The following GOLM2 variants were observed in gnomAD, a reference collection of about 807,000 sequenced individuals.
GOLM2 encodes golgi membrane protein 2, also known as protein GOLM2.
In GOLM2, 26 loss-of-function variants were observed where a neutral mutation model predicts 55.9. That is an observed-to-expected ratio of 0.47 (90% CI 0.34 to 0.65). GOLM2 has a LOEUF of 0.65. GOLM2 is among the 30% of genes least tolerant of loss of function. GOLM2 has a pLI of 0.01. For missense variants in GOLM2, 486 were observed against 531.8 expected (o/e 0.91, Z 0.85); for synonymous variants, 165 against 194.6 (o/e 0.85, Z 1.27).
At chr15:44,298,269 T>C (rs1595612589) in intron 1 of GOLM2, among the ~76,000 whole-genome samples, 1 of 150,454 alleles carries the variant, frequency 6.6e-6, no homozygotes, top group Non-Finnish European at 1.5e-5. Flanking sequence ...CTTTTTCTTT[T>C]TTTTTTTTTT....
At chr15:44,374,860 G>C (rs1208811306) in intron 6 of GOLM2, among the ~76,000 whole-genome samples, 1 of 152,116 alleles carries the variant, frequency 6.6e-6, no homozygotes, top group East Asian at 1.9e-4. Flanking sequence ...TTTGGGTGGG[G>C]ATACAGAGCT....
At chr15:44,316,478 C>T (rs1370857292) in intron 1 of GOLM2, among the ~76,000 whole-genome samples, 4 of 152,024 alleles carry the variant, frequency 2.6e-5, no homozygotes, top group African/African-American at 4.8e-5. Flanking sequence ...AGAGCTGGCC[C>T]GGCGCGGTGG....
At chr15:44,386,732 A>G (rs1230794214) in intron 8 of GOLM2, among the ~76,000 whole-genome samples, 1 of 152,072 alleles carries the variant, frequency 6.6e-6, no homozygotes, top group Non-Finnish European at 1.5e-5. Context: ...TTAGCCAGGC[A>G]TGGTGGCACA....
chr15:44,316,128 T>C (rs1001513025), intron 1 of GOLM2, among the ~76,000 whole-genome samples: 6 of 152,206 alleles, frequency 3.9e-5, no homozygotes, highest in Non-Finnish European at 7.3e-5. Flanking sequence ...ATAATCTCTT[T>C]TTCTAGTCAT....
intron 9 of GOLM2, among the ~76,000 whole-genome samples, chr15:44,405,911 C>A (rs2079594510): frequency 6.6e-6 from 1 of 152,080 alleles, no homozygotes; most frequent in African/African-American, 2.4e-5. Context: ...CATGAGCCAC[C>A]ACACCTGGCC....
chr15:44,396,426 TTTA>T, intron 8 of GOLM2, among the ~76,000 whole-genome samples: 1 of 152,310 alleles, frequency 6.6e-6, no homozygotes, highest in East Asian at 1.9e-4. Flanking sequence ...TGCTTTCTCA[TTTA>T]ACATTTGCTT....
At position 44,288,911 on chromosome 15, in the gene GOLM2, C is replaced by A; in HGVS notation, c.-119C>A. On this transcript the variant is annotated 5_prime_UTR_variant, in exon 1 of 10. Coordinates refer to ENST00000299957, the MANE Select transcript of GOLM2 (RefSeq NM_138423.4). Reference sequence around the variant, plus strand: ...TCCGGCTCGCAGCCGACCGGTAAGCCCGCCTCCTCCCTCGGCCGGCCCTGG... The same window carrying A: ...TCCGGCTCGCAGCCGACCGGTAAGCACGCCTCCTCCCTCGGCCGGCCCTGG... The A allele has an allele frequency of 1.1e-6, 1 of 919,952 alleles. No homozygotes were observed. Among genetic ancestry groups the A allele is most frequent in the East Asian group, 2.7e-5 (1 of 37,522 alleles). 57.0% of individuals were successfully genotyped at this position (919,952 alleles called of 1,614,324 possible).
intron 6 of GOLM2, among the ~76,000 whole-genome samples, chr15:44,355,960 A>G (rs1161042002): frequency 6.6e-6 from 1 of 152,244 alleles, no homozygotes; most frequent in Non-Finnish European, 1.5e-5. Context: ...GTGGAGATTA[A>G]ACAACTATTT....
At chr15:44,408,446 A>C (rs927351910) in intron 9 of GOLM2, among the ~76,000 whole-genome samples, 1 of 152,244 alleles carries the variant, frequency 6.6e-6, no homozygotes, top group Admixed American at 6.5e-5. Flanking sequence ...GGTATAAATT[A>C]ACAAAAAAAT....
chr15:44,324,109 T>C (rs891037749), intron 2 of GOLM2, among the ~76,000 whole-genome samples: 1 of 152,222 alleles, frequency 6.6e-6, no homozygotes, highest in Non-Finnish European at 1.5e-5. Flanking sequence ...ACTTGCAATT[T>C]TTACAAATGC....
chr15:44,315,147 C>T (rs1333684417), intron 1 of GOLM2, among the ~76,000 whole-genome samples: 1 of 152,056 alleles, frequency 6.6e-6, no homozygotes, highest in Non-Finnish European at 1.5e-5. Context: ...TTTAAAGCTC[C>T]CCAGGTGATT....
chr15:44,381,096 AG>A (rs1193009089), intron 8 of GOLM2, 120 bp downstream of exon 8: 1 of 558,188 alleles, frequency 1.8e-6, no homozygotes, highest in Non-Finnish European at 2.8e-6. Flanking sequence ...TTTAAAGAGA[AG>A]GTATGAAAGT....
chr15:44,325,027 A>G (rs148123247), intron 2 of GOLM2, among the ~76,000 whole-genome samples: 4 of 152,280 alleles, frequency 2.6e-5, no homozygotes, highest in African/African-American at 9.6e-5. Context: ...GATTTTTTTT[A>G]ACCTTTATTT....
At chr15:44,387,755 T>C (rs1438551728) in intron 8 of GOLM2, among the ~76,000 whole-genome samples, 1 of 149,754 alleles carries the variant, frequency 6.7e-6, no homozygotes, top group East Asian at 2.0e-4. Flanking sequence ...AATGAGACAC[T>C]CTCTCAAGGA....
intron 1 of GOLM2, among the ~76,000 whole-genome samples, chr15:44,301,025 G>A (rs1036095883): frequency 1.3e-5 from 2 of 152,072 alleles, no homozygotes; most frequent in African/African-American, 4.8e-5. Context: ...TTACATCCAC[G>A]AAGCTTTTTC....
chr15:44,378,322 T>G (rs1047715010), intron 6 of GOLM2, among the ~76,000 whole-genome samples: 1 of 151,214 alleles, frequency 6.6e-6, no homozygotes, highest in Non-Finnish European at 1.5e-5. Context: ...CCCAAAGTGC[T>G]GGAATTATAG....
At chr15:44,292,347 C>A (rs890833397) in intron 1 of GOLM2, among the ~76,000 whole-genome samples, 1 of 151,700 alleles carries the variant, frequency 6.6e-6, no homozygotes, top group Non-Finnish European at 1.5e-5. Context: ...CAGGCGCCCA[C>A]CTCCATGCCC....
chr15:44,362,975 A>G (rs144118121), intron 6 of GOLM2, among the ~76,000 whole-genome samples: 2,852 of 152,336 alleles, frequency 0.019, 92 homozygotes, highest in African/African-American at 0.066. Context: ...GATGCTGGGA[A>G]AACTGGCTAG....
At chr15:44,358,286 G>A (rs1377101451) in intron 6 of GOLM2, among the ~76,000 whole-genome samples, 7 of 152,148 alleles carry the variant, frequency 4.6e-5, no homozygotes, top group Non-Finnish European at 8.8e-5. Context: ...CCCAGGAGGC[G>A]GAGGTTGCAG....
Sources: allele counts gnomAD v4.1 joint callset (sites outside exome capture counted in the v4.1 genomes callset), GRCh38; gene constraint gnomAD v4.1.1; transcripts MANE v1.5; gene names NCBI Gene and HGNC (gene_info 2026-07-23, HGNC 2026-07-21).